Variants in ADGRB3 observed in about 807,000 individuals in gnomAD.
ADGRB3 encodes the protein brain-specific angiogenesis inhibitor 3.
ADGRB3 carries 37 observed loss-of-function variants against 193.4 expected under a neutral mutation model. The ratio of observed to expected loss-of-function variants is 0.19; its 90% CI spans 0.15 to 0.25. The LOEUF is 0.25. Ranked by LOEUF, ADGRB3 falls within the 10% of genes least tolerant of loss-of-function variation. ADGRB3 has a pLI of 1.00. For synonymous variants in ADGRB3, 690 were observed against 644.2 expected, an observed-to-expected ratio of 1.07 and a Z score of -1.08; for missense variants, 1,637 against 1,852.9, an observed-to-expected ratio of 0.88 and a Z score of 2.14.
At chr6:69,259,828 C>T (rs1275024798) in intron 20 of ADGRB3, among the ~76,000 whole-genome samples, 3 of 151,160 alleles carry the variant, frequency 2.0e-5, no homozygotes, top group Non-Finnish European at 4.4e-5. Flanking sequence ...GATATAAAGA[C>T]ATTGGATATA....
intron 13 of ADGRB3, among the ~76,000 whole-genome samples, chr6:69,042,122 T>C (rs1299294390): frequency 6.6e-6 from 1 of 152,206 alleles, no homozygotes; most frequent in Non-Finnish European, 1.5e-5. Flanking sequence ...CATTTCTCTC[T>C]CTGCTGCCAC....
chr6:69,215,783 G>T (rs1158893844), intron 17 of ADGRB3, among the ~76,000 whole-genome samples: 1 of 152,016 alleles, frequency 6.6e-6, no homozygotes, highest in Admixed American at 6.6e-5. Context: ...CTCCTCCCTT[G>T]GTTAAAACCA....
chr6:68,922,974 A>T (rs1057498089), intron 3 of ADGRB3, among the ~76,000 whole-genome samples: 1 of 152,152 alleles, frequency 6.6e-6, no homozygotes, highest in East Asian at 1.9e-4. Context: ...TACTGAAAAT[A>T]TTTTCCATGA....
chr6:68,738,070 G>A (rs1163222329), intron 3 of ADGRB3, among the ~76,000 whole-genome samples: 1 of 152,134 alleles, frequency 6.6e-6, no homozygotes, highest in East Asian at 1.9e-4. Context: ...GAAATTGAGA[G>A]CAAAGATCTG....
intron 3 of ADGRB3, among the ~76,000 whole-genome samples, chr6:68,754,997 G>C (rs1766272466): frequency 6.6e-6 from 1 of 152,164 alleles, no homozygotes; most frequent in African/African-American, 2.4e-5. Flanking sequence ...CTTGGGATGG[G>C]TGCATGTCTG....
In ADGRB3 at chr6:69,163,209, C is replaced by T. The variant is rs551234908; in HGVS notation, c.2481-70081C>T. On this transcript the variant is annotated intron_variant, in intron 17 of 31. Coordinates refer to ENST00000370598, the MANE Select transcript of ADGRB3 (RefSeq NM_001704.3). ...CTCTCACATCAGCCCAAGACAGCTTCAGGTCATCCATTCCCCAGACAGAAG... is the reference window on the plus strand; with the variant it reads ...CTCTCACATCAGCCCAAGACAGCTTTAGGTCATCCATTCCCCAGACAGAAG... 1.1e-4 allele frequency among the ~76,000 whole-genome samples: 17 copies of T among 152,184 alleles called. 1 individual carries two copies. The highest frequency in any genetic ancestry group is 9.8e-4 in the Admixed American group (15 of 15,264).
At chr6:69,094,367 T>C (rs1772805588) in intron 17 of ADGRB3, among the ~76,000 whole-genome samples, 1 of 152,272 alleles carries the variant, frequency 6.6e-6, no homozygotes, top group South Asian at 2.1e-4. Flanking sequence ...TAGTTTCTTC[T>C]TTCCAAAGCT....
chr6:68,739,406 A>G (rs1045989792), intron 3 of ADGRB3, among the ~76,000 whole-genome samples: 2 of 152,200 alleles, frequency 1.3e-5, no homozygotes, highest in Non-Finnish European at 2.9e-5. Context: ...CAGAAATTGA[A>G]AAATGATTAC....
chr6:68,712,744 A>C (rs1271018155), intron 3 of ADGRB3, among the ~76,000 whole-genome samples: 1 of 151,898 alleles, frequency 6.6e-6, no homozygotes, highest in Non-Finnish European at 1.5e-5. Context: ...GATAATAAAC[A>C]CTTTCAATTT....
chr6:69,189,977 G>C (rs1765154130), intron 17 of ADGRB3, among the ~76,000 whole-genome samples: 2 of 152,132 alleles, frequency 1.3e-5, no homozygotes, highest in Non-Finnish European at 1.5e-5. Context: ...GTGCAAGGCA[G>C]TATGTGTTTA....
rs1429330992 is a variant in ADGRB3 at position 69,104,235 on chromosome 6, G to T, written c.2480+28197G>T. On this transcript the variant is annotated intron_variant, in intron 17 of 31. Coordinates refer to ENST00000370598, the MANE Select transcript of ADGRB3 (RefSeq NM_001704.3). ...CAGAGTGTGATGTTCCCCTTCCTGT[G>T]TCCATGTGATCTCATTGTTCAATTC... is the stretch of plus-strand genomic sequence containing the variant. Among the ~76,000 whole-genome samples, 4 of 136,140 alleles carry T rather than the reference G, an allele frequency of 2.9e-5. No homozygotes were observed. The Admixed American group carries it at 3.3e-4, about 11-fold the overall frequency. The allele number at this position is 136,140 out of a possible 152,430, so 89.3% of individuals were successfully genotyped here.
chr6:68,907,913 A>T (rs1242270585), intron 3 of ADGRB3, among the ~76,000 whole-genome samples: 9 of 151,982 alleles, frequency 5.9e-5, no homozygotes, highest in Admixed American at 5.9e-4. Context: ...TAAAAAATTT[A>T]AAAACAAACC....
intron 3 of ADGRB3, among the ~76,000 whole-genome samples, chr6:68,736,638 C>T (rs1238916683): frequency 6.6e-6 from 1 of 152,008 alleles, no homozygotes; most frequent in African/African-American, 2.4e-5. Flanking sequence ...GACTTGTGCA[C>T]TTAGAGATGA....
intron 3 of ADGRB3, among the ~76,000 whole-genome samples, chr6:68,752,607 T>C (rs1199088050): frequency 6.6e-6 from 1 of 152,110 alleles, no homozygotes; most frequent in Non-Finnish European, 1.5e-5. Context: ...TATGAAGGCA[T>C]ACATTAGCAA....
intron 20 of ADGRB3, among the ~76,000 whole-genome samples, chr6:69,273,379 A>C (rs1438122497): frequency 6.6e-6 from 1 of 152,210 alleles, no homozygotes; most frequent in Non-Finnish European, 1.5e-5. Context: ...TTTATTGGCC[A>C]CACACAGCAT....
chr6:68,811,280 G>GT (rs1162904393), intron 3 of ADGRB3, among the ~76,000 whole-genome samples: 3 of 152,130 alleles, frequency 2.0e-5, no homozygotes, highest in East Asian at 3.9e-4. Flanking sequence ...TTAGGCACTT[G>GT]TTTTTTCTGT....
chr6:69,269,117 C>T (rs1350902138), intron 20 of ADGRB3, among the ~76,000 whole-genome samples: 1 of 152,104 alleles, frequency 6.6e-6, no homozygotes, highest in Non-Finnish European at 1.5e-5. Context: ...CTTTCATCCT[C>T]CCCTTTAGAA....
chr6:68,859,796 C>T (rs898298512), intron 3 of ADGRB3, among the ~76,000 whole-genome samples: 62 of 152,222 alleles, frequency 4.1e-4, no homozygotes, highest in African/African-American at 1.3e-3. Flanking sequence ...ACAGCCAAAC[C>T]ATATCAGTGT....
In ADGRB3 at chr6:69,372,395, A is replaced by G. The variant is rs1769725894; in HGVS notation, c.4240-11A>G. 3 of 1,344,844 alleles carry G rather than the reference A, an allele frequency of 2.2e-6. No individual in the cohort carries two copies. The highest frequency in any genetic ancestry group is 1.4e-5 in the South Asian group (1 of 71,524). 83.3% of individuals were successfully genotyped at this position (1,344,844 alleles called of 1,614,324 possible). ...GGTTTTTCTCCTTCTTTTTAAAAAT[A>G]TATCTTACAGAGAAGAAAATCACGA... is the stretch of plus-strand genomic sequence containing the variant. On this transcript the variant is annotated splice_polypyrimidine_tract_variant and intron_variant, in intron 29 of 31. Coordinates refer to ENST00000370598, the MANE Select transcript of ADGRB3 (RefSeq NM_001704.3).
Sources: allele counts gnomAD v4.1 joint callset (sites outside exome capture counted in the v4.1 genomes callset), GRCh38; gene constraint gnomAD v4.1.1; transcripts MANE v1.5; gene names NCBI Gene and HGNC (gene_info 2026-07-23, HGNC 2026-07-21).